CREG2: variants seen among roughly 807,000 people sequenced by gnomAD.
CREG2 encodes protein CREG2.
CREG2 carries 24 observed loss-of-function variants against 26.2 expected under a neutral mutation model. The ratio of observed to expected loss-of-function variants is 0.92; its 90% CI spans 0.66 to 1.29. The LOEUF (loss-of-function observed/expected upper bound fraction) is 1.29, where lower values mean the gene tolerates loss of function less well. Ranked by LOEUF, CREG2 falls within the 50% of genes most tolerant of loss-of-function variation. CREG2 has a pLI of 0.00. For missense variants in CREG2, 366 were observed against 398.6 expected (o/e 0.92, Z 0.70); for synonymous variants, 174 against 169.2 (o/e 1.03, Z -0.22).
chr2:101,379,350 G>A (rs1279203575), intron 2 of CREG2, among the ~76,000 whole-genome samples: 5 of 152,190 alleles, frequency 3.3e-5, no homozygotes, highest in African/African-American at 4.8e-5. Context: ...CTAGAAAGCT[G>A]TAAAATATGA....
intron 2 of CREG2, among the ~76,000 whole-genome samples, chr2:101,369,717 T>C (rs574158691): frequency 7.2e-5 from 11 of 152,286 alleles, no homozygotes; most frequent in Non-Finnish European, 2.9e-5. Context: ...GCTCTCTTTT[T>C]TTCATATTTA....
At chr2:101,384,198 T>C (rs1684928197) in intron 1 of CREG2, among the ~76,000 whole-genome samples, 2 of 152,236 alleles carry the variant, frequency 1.3e-5, no homozygotes, top group Non-Finnish European at 1.5e-5. Flanking sequence ...AACTTTCTAT[T>C]ATTGTTTCTT....
At chr2:101,354,305 C>T (rs1380403952) in intron 3 of CREG2, among the ~76,000 whole-genome samples, 3 of 152,152 alleles carry the variant, frequency 2.0e-5, no homozygotes, top group Admixed American at 6.5e-5. Flanking sequence ...CACACACACA[C>T]GCACACTGAC....
At chr2:101,363,381 G>A (rs1684572804) in intron 2 of CREG2, among the ~76,000 whole-genome samples, 1 of 152,202 alleles carries the variant, frequency 6.6e-6, no homozygotes, top group Non-Finnish European at 1.5e-5. Flanking sequence ...AACCTTCTCG[G>A]AGATAAGTAG....
rs138973393 is a variant in CREG2 at position 101,383,669 on chromosome 2, C to G, written c.475G>C (p.Val159Leu). 1 of 1,611,252 alleles carries G rather than the reference C, an allele frequency of 6.2e-7. No homozygotes were observed. Among genetic ancestry groups the G allele is most frequent in the South Asian group, 1.1e-5 (1 of 90,840 alleles). The change falls in exon 2 of 4, where the codon GTC becomes CTC. Residue 159 changes from valine (V) to leucine (L), a missense_variant. Val to Leu is a conservative substitution (Grantham distance 32, BLOSUM62 1). Around this residue, in one of 3 missense-constraint regions of CREG2, gnomAD observed 174 missense variants for 178.2 expected, o/e 0.98. Coordinates refer to ENST00000324768, the MANE Select transcript of CREG2 (RefSeq NM_153836.4). ...CTATTGTTGAAGGGGCCATCACTGA[C>G]GGGCAGGCAGTTCCCAAATGGCAGT... is the stretch of plus-strand genomic sequence containing the variant. ...QGLPFGNCLP[V>L]SDGPFNNSTG...
rs1684347027 is a variant in CREG2 at position 101,349,526 on chromosome 2, A to T, written c.*1397T>A. ...TTATACAACCTCCCTAACCTACCAA[A>T]GAAAGTTTGTAGCCATTACAGAAAG... On this transcript the variant is annotated 3_prime_UTR_variant, in exon 4 of 4. Coordinates refer to ENST00000324768, the MANE Select transcript of CREG2 (RefSeq NM_153836.4). 1 of 152,632 alleles carries T rather than the reference A, an allele frequency of 6.6e-6. No homozygotes were observed. The highest frequency in any genetic ancestry group is 1.5e-5 in the Non-Finnish European group (1 of 68,038). The allele number at this position is 152,632 out of a possible 1,614,324, so 9.5% of individuals were successfully genotyped here. A position where few individuals can be genotyped will look rare whatever the true frequency, so the allele number is the denominator to read the frequency against.
rs779635552 is a variant in CREG2, at chr2:101,387,393, C to T, written c.65G>A (p.Cys22Tyr). 2.8e-6 allele frequency: 4 copies of T among 1,409,252 alleles called. No individual in the cohort carries two copies. In the South Asian group the frequency reaches 6.0e-5, roughly 21 times the overall value. 87.3% of individuals were successfully genotyped at this position (1,409,252 alleles called of 1,614,324 possible). A position where few individuals can be genotyped will look rare whatever the true frequency, so the allele number is the denominator to read the frequency against. Residue 22 changes from cysteine (C) to tyrosine (Y), a missense_variant, in exon 1 of 4, where the codon TGC becomes TAC. Coordinates refer to ENST00000324768, the MANE Select transcript of CREG2 (RefSeq NM_153836.4). The surrounding 1 kb of genome is among the most constrained non-coding windows in gnomAD (Gnocchi z 4.7). ...PGTRLSWLLC[C>Y]SALLSPAAGY... ...CGCGGCCGGGGACAGCAGGGCGCTGCAGCACAGCAGCCAGGAGAGGCGGGT... is the reference window on the plus strand; with the variant it reads ...CGCGGCCGGGGACAGCAGGGCGCTGTAGCACAGCAGCCAGGAGAGGCGGGT...
chr2:101,385,695 A>G (rs1476915216), intron 1 of CREG2, among the ~76,000 whole-genome samples: 1 of 152,248 alleles, frequency 6.6e-6, no homozygotes, highest in African/African-American at 2.4e-5. Context: ...GGAATCTTCC[A>G]AAATGGTGAT....
At position 101,348,643 on chromosome 2, in the gene CREG2, A is replaced by G. The variant is rs2104466331; in HGVS notation, c.*2280T>C. ...TTTTGTATGCTGATCTTGTGTCCTG[A>G]GACCTTGTTGCACTCACATACTAGT... is the stretch of plus-strand genomic sequence containing the variant. On this transcript the variant is annotated 3_prime_UTR_variant, in exon 4 of 4. Coordinates refer to ENST00000324768, the MANE Select transcript of CREG2 (RefSeq NM_153836.4). 1 of 152,138 alleles carries G rather than the reference A, an allele frequency of 6.6e-6. No individual in the cohort carries two copies. Among genetic ancestry groups the G allele is most frequent in the Non-Finnish European group, 1.5e-5 (1 of 68,006 alleles). The allele number at this position is 152,138 out of a possible 1,614,324, so 9.4% of individuals were successfully genotyped here.
At chr2:101,380,531 C>T (rs759648045) in intron 2 of CREG2, among the ~76,000 whole-genome samples, 5 of 152,244 alleles carry the variant, frequency 3.3e-5, no homozygotes, top group Non-Finnish European at 7.3e-5. Context: ...TCCAGTAAAG[C>T]CCAGTTCTGG....
intron 2 of CREG2, among the ~76,000 whole-genome samples, chr2:101,355,897 A>C (rs1258751212): frequency 1.3e-5 from 2 of 152,094 alleles, no homozygotes; most frequent in African/African-American, 4.8e-5. Context: ...GCCGTCAGTG[A>C]TGGCTAAGTG....
intron 3 of CREG2, among the ~76,000 whole-genome samples, chr2:101,352,956 T>C (rs556441787): frequency 6.6e-6 from 1 of 152,172 alleles, no homozygotes; most frequent in East Asian, 1.9e-4. Flanking sequence ...CCTCTAAAAT[T>C]AAAAATAAAA....
intron 2 of CREG2, among the ~76,000 whole-genome samples, chr2:101,377,106 C>T (rs1347427657): frequency 3.3e-5 from 5 of 152,118 alleles, no homozygotes; most frequent in East Asian, 1.9e-4. Flanking sequence ...TGTACTAAAA[C>T]GATCTGTCCA....
At position 101,372,293 on chromosome 2, in the gene CREG2, C is replaced by G. The variant is rs115902134; in HGVS notation, c.611+11240G>C. Among the ~76,000 whole-genome samples the G allele has an allele frequency of 2.9e-3, 447 of 152,268 alleles. 5 individuals are homozygous for G. The highest frequency in any genetic ancestry group is 0.01 in the African/African-American group (430 of 41,560). ...AGTGTTCACGCCTACGCATGCCTGG[C>G]TTATAGTAAGTGCTCAGTAAATCTC... On this transcript the variant is annotated intron_variant, in intron 2 of 3. Transcript: ENST00000324768.
At chr2:101,360,201 C>T (rs1410409277) in intron 2 of CREG2, among the ~76,000 whole-genome samples, 1 of 152,066 alleles carries the variant, frequency 6.6e-6, no homozygotes, top group Non-Finnish European at 1.5e-5. Context: ...AAAGATATAA[C>T]CATTGCCTTA....
intron 2 of CREG2, among the ~76,000 whole-genome samples, chr2:101,377,434 C>A (rs1426648100): frequency 6.6e-6 from 1 of 152,136 alleles, no homozygotes; most frequent in Non-Finnish European, 1.5e-5. Context: ...AAGGTGCGAA[C>A]CTAAAACTCA....
intron 2 of CREG2, among the ~76,000 whole-genome samples, chr2:101,370,549 A>G (rs1001156754): frequency 1.3e-5 from 2 of 152,184 alleles, no homozygotes; most frequent in African/African-American, 4.8e-5. Flanking sequence ...ATGATCCTCA[A>G]ATTAGAAGCC....
intron 2 of CREG2, among the ~76,000 whole-genome samples, chr2:101,369,295 C>A (rs1256126735): frequency 6.6e-6 from 1 of 152,030 alleles, no homozygotes; most frequent in Non-Finnish European, 1.5e-5. Context: ...GGAGGTAGAG[C>A]AGGTGAGCCC....
intron 2 of CREG2, among the ~76,000 whole-genome samples, chr2:101,372,322 T>C (rs1573312012): frequency 6.6e-6 from 1 of 152,332 alleles, no homozygotes. Flanking sequence ...AAATCTCATC[T>C]GAAGGAAAAA....
Sources: gnomAD v4.1 joint callset for allele counts (sites outside exome capture counted in the v4.1 genomes callset) on GRCh38, gnomAD v4.1.1 for gene constraint, gnomAD v4.1.1 regional missense constraint, Gnocchi (gnomAD v3.1) non-coding constraint, MANE v1.5 for transcripts, NCBI Gene and HGNC (gene_info 2026-07-23, HGNC 2026-07-21) for gene names.